The following MCPH1 variants were observed in gnomAD, a reference collection of about 807,000 sequenced individuals.
The protein encoded by MCPH1 is microcephalin 1.
A neutral mutation model predicts 84.5 loss-of-function variants in MCPH1; 104 were observed. The observed-to-expected ratio is 1.23, with a 90% confidence interval of 1.05 to 1.45. The LOEUF is 1.45. Ranked by LOEUF, MCPH1 falls within the 40% of genes most tolerant of loss-of-function variation. The pLI is 0.00. For missense variants in MCPH1, 1,498 were observed against 1,005.7 expected (o/e 1.49, Z -6.62); for synonymous variants, 514 against 366.8 (o/e 1.40, Z -4.58).
At chr8:6,527,737 T>A in intron 12 of MCPH1, 1 of 1,448,260 alleles carries the variant, frequency 6.9e-7, no homozygotes, top group Admixed American at 2.1e-5. Flanking sequence ...CTTTCTAACT[T>A]CCTTTTCATT....
At chr8:6,562,927 T>C (rs1825781000) in intron 12 of MCPH1, 5 of 1,585,362 alleles carry the variant, frequency 3.2e-6, no homozygotes, top group Non-Finnish European at 4.3e-6. Flanking sequence ...GAAAACAATC[T>C]GCCACATTCT....
chr8:6,578,248 A>G (rs868408461), intron 12 of MCPH1, among the ~76,000 whole-genome samples: 1 of 152,248 alleles, frequency 6.6e-6, no homozygotes, highest in East Asian at 1.9e-4. Flanking sequence ...TGGTATTTCT[A>G]GTAAAGCACT....
At chr8:6,567,057 G>A (rs34038460) in intron 12 of MCPH1, among the ~76,000 whole-genome samples, 3 of 146,890 alleles carry the variant, frequency 2.0e-5, no homozygotes, top group Admixed American at 2.0e-4. Context: ...GCAAGGCCAT[G>A]GATAGTGCAC....
In MCPH1 at chr8:6,619,453, G is replaced by A. The variant is rs181617543; in HGVS notation, c.2215-2001G>A. ...TTACAGGCGCCTACCAAAATGCTCGGCTAGTTTTTGTATTTTTAGTAGAGA... is the reference window on the plus strand; with the variant it reads ...TTACAGGCGCCTACCAAAATGCTCGACTAGTTTTTGTATTTTTAGTAGAGA... On this transcript the variant is annotated intron_variant, in intron 12 of 13. Transcript: ENST00000344683. Among the ~76,000 whole-genome samples, 96 of 151,938 alleles carry A rather than the reference G, an allele frequency of 6.3e-4. 1 individual carries two copies. The highest frequency in any genetic ancestry group is 2.2e-3 in the African/African-American group (93 of 41,422).
intron 12 of MCPH1, chr8:6,514,809 A>G (rs377009719): frequency 6.3e-7 from 1 of 1,593,552 alleles, no homozygotes; most frequent in Non-Finnish European, 8.6e-7. Context: ...TATAAGTGAC[A>G]GAGCCCCCCC....
At chr8:6,486,161 A>G (rs1809879154) in intron 11 of MCPH1, among the ~76,000 whole-genome samples, 1 of 152,234 alleles carries the variant, frequency 6.6e-6, no homozygotes, top group Admixed American at 6.5e-5. Flanking sequence ...TATGTCTTGC[A>G]TATAACTTCA....
chr8:6,410,871 C>A (rs1798440477), intron 2 of MCPH1, among the ~76,000 whole-genome samples: 1 of 152,058 alleles, frequency 6.6e-6, no homozygotes, highest in African/African-American at 2.4e-5. Context: ...AGGCGGATCA[C>A]CTGAGGTCAG....
At chr8:6,406,896 TC>T (rs1205523928) in intron 1 of MCPH1, among the ~76,000 whole-genome samples, 19 of 25,808 alleles carry the variant, frequency 7.4e-4, no homozygotes, top group Admixed American at 5.7e-3. Context: ...CCGCTGCCTG[TC>T]CCCCCAAAAC....
chr8:6,612,860 C>G (rs1830407291), intron 12 of MCPH1, among the ~76,000 whole-genome samples: 1 of 152,142 alleles, frequency 6.6e-6, no homozygotes. Flanking sequence ...GTTTAGTGGG[C>G]GTGCGCCACT....
At chr8:6,457,728 G>T (rs1805854643) in intron 9 of MCPH1, among the ~76,000 whole-genome samples, 2 of 152,216 alleles carry the variant, frequency 1.3e-5, no homozygotes, top group East Asian at 1.9e-4. Context: ...TGAGGGCGAA[G>T]AATCCACCTT....
intron 8 of MCPH1, among the ~76,000 whole-genome samples, chr8:6,448,566 G>C (rs143595291): frequency 1.3e-5 from 2 of 152,198 alleles, no homozygotes; most frequent in African/African-American, 4.8e-5. Flanking sequence ...CTGTGGGTTG[G>C]AGTGTTTGTC....
chr8:6,537,602 C>A (rs1040798595), intron 12 of MCPH1, among the ~76,000 whole-genome samples: 1 of 151,346 alleles, frequency 6.6e-6, no homozygotes, highest in Admixed American at 6.6e-5. Flanking sequence ...AAAATATGTT[C>A]TGAAGTTTTT....
chr8:6,640,141 A>T lies in MCPH1; in HGVS notation c.2453-2853A>T, dbSNP rs1797853629. ...GTGTGCGTGTGTGTGTGTGTTTTCT[A>T]ACTGAACAATCTGAATTCAATTTTA... On this transcript the variant is annotated intron_variant, in intron 13 of 13. Coordinates refer to ENST00000344683, the MANE Select transcript of MCPH1 (RefSeq NM_024596.5). Among the ~76,000 whole-genome samples, 3 of 148,436 alleles carry T rather than the reference A, an allele frequency of 2.0e-5. No homozygotes were observed. The Admixed American group carries it at 2.0e-4, about 10-fold the overall frequency.
In MCPH1 at chr8:6,445,131, C is replaced by A. The variant is rs376511349; in HGVS notation, c.1409C>A (p.Thr470Lys). The stretch of plus-strand genomic sequence containing the variant: ...TCCTGCGTTGGCAAAAAAACCAGAA[C>A]AGTTGACATTACCAATTTCACAGCA... ...DFSCVGKKTRTVDITNFTAKT... is the reference protein window; with the variant it reads ...DFSCVGKKTRKVDITNFTAKT... Residue 470 changes from threonine (T) to lysine (K), a missense_variant, in exon 8 of 14, where the codon ACA becomes AAA. Coordinates refer to ENST00000344683, the MANE Select transcript of MCPH1 (RefSeq NM_024596.5). The A allele has an allele frequency of 6.2e-7, 1 of 1,614,104 alleles. No homozygotes were observed. Among genetic ancestry groups the A allele is most frequent in the Non-Finnish European group, 8.5e-7 (1 of 1,180,050 alleles).
intron 12 of MCPH1, among the ~76,000 whole-genome samples, chr8:6,542,493 G>A (rs2959821): frequency 0.032 from 4,908 of 152,040 alleles, 250 homozygotes; most frequent in African/African-American, 0.11. Flanking sequence ...GGACGCTAGC[G>A]CCTGGGTCAC....
chr8:6,426,551 A>G (rs528637386), intron 3 of MCPH1, among the ~76,000 whole-genome samples: 6 of 152,340 alleles, frequency 3.9e-5, no homozygotes, highest in South Asian at 2.1e-4. Flanking sequence ...GTAGTATTCT[A>G]TTGTAGGCAT....
intron 12 of MCPH1, among the ~76,000 whole-genome samples, chr8:6,580,529 C>G (rs1298575166): frequency 1.3e-5 from 2 of 152,130 alleles, no homozygotes; most frequent in Non-Finnish European, 2.9e-5. Context: ...GTGGCGTGTT[C>G]CTGTAATTCC....
At chr8:6,634,198 G>A (rs573982760) in intron 13 of MCPH1, among the ~76,000 whole-genome samples, 1 of 152,314 alleles carries the variant, frequency 6.6e-6, no homozygotes, top group South Asian at 2.1e-4. Context: ...TGAAACAAGC[G>A]AAGATCTATC....
intron 1 of MCPH1, 93 bp from the exon 2 acceptor site, chr8:6,409,186 C>T (rs1408352129): frequency 2.0e-5 from 22 of 1,088,588 alleles, no homozygotes; most frequent in East Asian, 4.9e-5. Context: ...GTGCCGGCCT[C>T]GGTTTACTCT....
Sources: gnomAD v4.1 joint callset for allele counts (sites outside exome capture counted in the v4.1 genomes callset) on GRCh38, gnomAD v4.1.1 for gene constraint, MANE v1.5 for transcripts, NCBI Gene and HGNC (gene_info 2026-07-23, HGNC 2026-07-21) for gene names.